The following ULK4 variants were observed in gnomAD, a reference collection of about 807,000 sequenced individuals.
The protein encoded by ULK4 is inactive serine/threonine-protein kinase ULK4.
Under a neutral mutation model 160.6 loss-of-function variants are expected in ULK4, and 133 were observed. The observed-to-expected ratio is 0.83, with a 90% CI of 0.72 to 0.96. The LOEUF (loss-of-function observed/expected upper bound fraction) is 0.96, where lower values mean the gene tolerates loss of function less well. Ranked by LOEUF, ULK4 falls within the 40% of genes least tolerant of loss-of-function variation. The pLI, the probability that ULK4 is intolerant of heterozygous loss-of-function variation, is 0.00. For synonymous variants in ULK4, 534 were observed against 539.8 expected (o/e 0.99, Z 0.15); for missense variants, 1,580 against 1,499.5 (o/e 1.05, Z -0.89).
chr3:41,790,079 T>C (rs1434665745), intron 20 of ULK4, among the ~76,000 whole-genome samples: 1 of 152,244 alleles, frequency 6.6e-6, no homozygotes, highest in Non-Finnish European at 1.5e-5. Flanking sequence ...TAATAACCAT[T>C]AAATTGATAA....
At chr3:41,456,082 G>C (rs538492219) in intron 33 of ULK4, among the ~76,000 whole-genome samples, 5 of 152,184 alleles carry the variant, frequency 3.3e-5, no homozygotes, top group African/African-American at 1.2e-4. Context: ...GCTAGTTTTT[G>C]TATTTTTAGT....
At chr3:41,573,620 G>C (rs528168432) in intron 31 of ULK4, among the ~76,000 whole-genome samples, 28 of 152,188 alleles carry the variant, frequency 1.8e-4, no homozygotes, top group South Asian at 4.2e-4. Flanking sequence ...AGAGAATAAA[G>C]AGCAAAGCAC....
chr3:41,819,221 C>G (rs2125629413), intron 19 of ULK4, among the ~76,000 whole-genome samples: 1 of 152,276 alleles, frequency 6.6e-6, no homozygotes, highest in Admixed American at 6.5e-5. Flanking sequence ...GACATTTAAA[C>G]AAGTGAATGA....
intron 35 of ULK4, among the ~76,000 whole-genome samples, chr3:41,374,715 G>A (rs2081443571): frequency 6.6e-6 from 1 of 152,130 alleles, no homozygotes. Context: ...TCATTCCTTT[G>A]AAAACTGGCA....
chr3:41,558,510 C>T (rs1168393758), intron 32 of ULK4, among the ~76,000 whole-genome samples: 1 of 151,996 alleles, frequency 6.6e-6, no homozygotes, highest in Non-Finnish European at 1.5e-5. Flanking sequence ...TCAAGACCAG[C>T]CTGGCCAACA....
chr3:41,822,723 T>TTTTTTTA (rs1491400345), intron 18 of ULK4, among the ~76,000 whole-genome samples: 1 of 67,878 alleles, frequency 1.5e-5, no homozygotes, highest in Non-Finnish European at 2.4e-5. Flanking sequence ...CGGGCTGAGA[T>TTTTTTTA]TTTTTTTTTT....
At chr3:41,941,778 A>AAAAAAAAAAG (rs534674849) in intron 2 of ULK4, among the ~76,000 whole-genome samples, 12 of 148,172 alleles carry the variant, frequency 8.1e-5, no homozygotes, top group Non-Finnish European at 1.6e-4. Flanking sequence ...AAAAAAAAAA[A>AAAAAAAAAAG]AGAGAAAGAA....
At chr3:41,647,421 C>A (rs190947710) in intron 30 of ULK4, among the ~76,000 whole-genome samples, 9,250 of 151,556 alleles carry the variant, frequency 0.061, 928 homozygotes, top group African/African-American at 0.21. Context: ...AGACAGGACC[C>A]TCAGCTGCAG....
At chr3:41,692,791 A>C (rs778144745) in intron 27 of ULK4, among the ~76,000 whole-genome samples, 12 of 152,202 alleles carry the variant, frequency 7.9e-5, no homozygotes, top group Non-Finnish European at 1.3e-4. Context: ...GAACTTTTTG[A>C]AAATGGAAAT....
chr3:41,701,959 A>T (rs911133968), intron 27 of ULK4, among the ~76,000 whole-genome samples: 1 of 152,210 alleles, frequency 6.6e-6, no homozygotes, highest in African/African-American at 2.4e-5. Flanking sequence ...ACAAAATGAA[A>T]AATAAAATGT....
chr3:41,637,220 C>T (rs905900964), intron 30 of ULK4, among the ~76,000 whole-genome samples: 15 of 152,298 alleles, frequency 9.8e-5, no homozygotes, highest in African/African-American at 3.6e-4. Flanking sequence ...CCTCACCCCT[C>T]AGTAACCACC....
At chr3:41,632,722 C>T (rs1030095546) in intron 30 of ULK4, among the ~76,000 whole-genome samples, 9 of 143,354 alleles carry the variant, frequency 6.3e-5, no homozygotes, top group African/African-American at 2.2e-4. Flanking sequence ...TGTGCTAACT[C>T]ACTGGATTCT....
In ULK4 at chr3:41,613,128, G is replaced by A. The variant is rs181995515; in HGVS notation, c.3120+2541C>T. Among the ~76,000 whole-genome samples the A allele has an allele frequency of 6.6e-5, 10 of 152,220 alleles. No individual in the cohort carries two copies. In the East Asian group the frequency reaches 1.9e-3, roughly 29 times the overall value. Reference sequence around the variant, plus strand: ...CTGATCAAATCACTGCAAAGAAGCTGCCATATATATGCTAGACACCACCAA... The same window carrying A: ...CTGATCAAATCACTGCAAAGAAGCTACCATATATATGCTAGACACCACCAA... On this transcript the variant is annotated intron_variant, in intron 31 of 36. Coordinates refer to ENST00000301831, the MANE Select transcript of ULK4 (RefSeq NM_017886.4).
At chr3:41,332,085 T>G (rs1171418840) in intron 35 of ULK4, among the ~76,000 whole-genome samples, 1 of 152,152 alleles carries the variant, frequency 6.6e-6, no homozygotes, top group African/African-American at 2.4e-5. Context: ...GATCTTGGGA[T>G]GTCCAATCTT....
intron 35 of ULK4, among the ~76,000 whole-genome samples, chr3:41,342,049 T>C (rs1250965696): frequency 6.6e-6 from 1 of 152,202 alleles, no homozygotes; most frequent in Non-Finnish European, 1.5e-5. Context: ...ATACAGTTTA[T>C]GATAAGAACT....
intron 2 of ULK4, among the ~76,000 whole-genome samples, chr3:41,939,432 A>G (rs1401380250): frequency 2.0e-5 from 3 of 151,950 alleles, no homozygotes; most frequent in African/African-American, 7.2e-5. Context: ...AGTGCTGGGA[A>G]TACAGGCATG....
rs1180616052 is a variant in ULK4, at chr3:41,916,379, G to C, written c.728-327C>G. On this transcript the variant is annotated intron_variant, in intron 7 of 36. Coordinates refer to ENST00000301831, the MANE Select transcript of ULK4 (RefSeq NM_017886.4). ...ACCAGCTTAACAAACTCAAACACTT[G>C]TCTTCAACTATTTTGGGGGAGTTTT... Among the ~76,000 whole-genome samples, 3 of 152,154 alleles carry C rather than the reference G, an allele frequency of 2.0e-5. No homozygotes were observed. In the East Asian group the frequency reaches 5.8e-4, roughly 29 times the overall value.
Position 41,388,184 on chromosome 3 carries a change from G to A in ULK4, c.3678+9895C>T, listed in dbSNP as rs576535525. 3.3e-5 allele frequency among the ~76,000 whole-genome samples: 5 copies of A among 152,260 alleles called. No individual in the cohort carries two copies. In the South Asian group the frequency reaches 1.0e-3, roughly 32 times the overall value. ...GCATAAATGTCTTCTTTTGAGAAGT[G>A]TCTGTTCATATCCTTCACCCACTTG... On this transcript the variant is annotated intron_variant, in intron 35 of 36. Coordinates refer to ENST00000301831, the MANE Select transcript of ULK4 (RefSeq NM_017886.4).
chr3:41,275,948 G>A (rs1044842950), intron 35 of ULK4, among the ~76,000 whole-genome samples: 1 of 152,192 alleles, frequency 6.6e-6, no homozygotes, highest in African/African-American at 2.4e-5. Context: ...AACAAAGAAT[G>A]GGACATCCAT....
Sources: gnomAD v4.1 joint callset for allele counts (sites outside exome capture counted in the v4.1 genomes callset) on GRCh38, gnomAD v4.1.1 for gene constraint, MANE v1.5 for transcripts, NCBI Gene and HGNC (gene_info 2026-07-23, HGNC 2026-07-21) for gene names.